KRIT1: variants seen among roughly 807,000 people sequenced by gnomAD.
The protein encoded by KRIT1 is krev interaction trapped protein 1.
A neutral mutation model predicts 95.8 loss-of-function variants in KRIT1; 45 were observed. The ratio of observed to expected loss-of-function variants is 0.47; its 90% CI spans 0.37 to 0.60. The LOEUF (loss-of-function observed/expected upper bound fraction) is 0.60, where lower values mean the gene tolerates loss of function less well. Ranked by LOEUF, KRIT1 falls within the 20% of genes least tolerant of loss-of-function variation. KRIT1 has a pLI of 0.00. For synonymous variants in KRIT1, 282 were observed against 278.8 expected (o/e 1.01, Z -0.11); for missense variants, 788 against 877.5 (o/e 0.90, Z 1.29).
At chr7:92,223,764 A>G in intron 12 of KRIT1, among the ~76,000 whole-genome samples, 1 of 152,214 alleles carries the variant, frequency 6.6e-6, no homozygotes, top group East Asian at 1.9e-4. Context: ...GGTAAAAGTT[A>G]TCAATGAACT....
rs766715669 is a variant in KRIT1 at position 92,214,651 on chromosome 7, CAT to C, written c.1688_1689del (p.Tyr563TrpfsTer4). 6.2e-7 allele frequency: 1 copy of C among 1,612,840 alleles called. No individual in the cohort carries two copies. Among genetic ancestry groups the C allele is most frequent in the Non-Finnish European group, 8.5e-7 (1 of 1,179,042 alleles). ...TLASLLLQIVYGNYESKKHKQ... is the reference protein window; with the variant it reads ...TLASLLLQIVXGNYESKKHKQ... ...TTGTGTTTTTTACTCTCATAATTTC[CAT>C]AGACTATTTGCAAAAGCAGACTTGC... On this transcript the variant is annotated frameshift_variant, in exon 15 of 19. Coordinates refer to ENST00000394505, the MANE Select transcript of KRIT1 (RefSeq NM_194454.3). LOFTEE classifies it high-confidence loss of function.
intron 17 of KRIT1, among the ~76,000 whole-genome samples, chr7:92,203,094 A>T (rs1584714108): frequency 6.6e-6 from 1 of 152,246 alleles, no homozygotes; most frequent in Admixed American, 6.5e-5. Context: ...ATTTCCAACA[A>T]AAGTACTGAG....
At chr7:92,215,863 G>C (rs541812641) in intron 14 of KRIT1, among the ~76,000 whole-genome samples, 1 of 151,674 alleles carries the variant, frequency 6.6e-6, no homozygotes, top group Non-Finnish European at 1.5e-5. Context: ...CAAAGTCACC[G>C]GTTATAAAGT....
chr7:92,242,991 G>C lies in KRIT1; in HGVS notation c.-2-854C>G, dbSNP rs187029406. 4.6e-3 allele frequency among the ~76,000 whole-genome samples: 695 copies of C among 152,112 alleles called. 2 individuals carry two copies. The highest frequency in any genetic ancestry group is 0.016 in the African/African-American group (667 of 41,500). ...GTGCCACCATGCTCGGCTAATTTTT[G>C]TGTCTTTTAGTAGAGATGGAGTTTT... On this transcript the variant is annotated intron_variant, in intron 3 of 18. Coordinates refer to ENST00000394505, the MANE Select transcript of KRIT1 (RefSeq NM_194454.3).
intron 14 of KRIT1, among the ~76,000 whole-genome samples, chr7:92,220,758 G>A (rs565721643): frequency 2.4e-3 from 332 of 136,538 alleles, no homozygotes; most frequent in Admixed American, 4.4e-3. Flanking sequence ...GCAGTGGCAC[G>A]ATCTCGGCTC....
At chr7:92,239,064 T>C (rs1367788700) in intron 5 of KRIT1, among the ~76,000 whole-genome samples, 4 of 152,228 alleles carry the variant, frequency 2.6e-5, no homozygotes, top group African/African-American at 9.6e-5. Flanking sequence ...AAATAGGATA[T>C]TCAGGATACA....
At chr7:92,240,038 G>A (rs575398178) in intron 5 of KRIT1, among the ~76,000 whole-genome samples, 1 of 152,156 alleles carries the variant, frequency 6.6e-6, no homozygotes, top group East Asian at 1.9e-4. Flanking sequence ...TTATAATCCT[G>A]AGTTAAAATG....
In KRIT1 at chr7:92,200,408, G is replaced by T; in HGVS notation, c.*328C>A. ...CTTGCTGTGTCACCCAGGCTAGCGT[G>T]CCGTGGTGCAATCTTGGCTCACTAC... On this transcript the variant is annotated 3_prime_UTR_variant, in exon 19 of 19. Coordinates refer to ENST00000394505, the MANE Select transcript of KRIT1 (RefSeq NM_194454.3). 1 of 295,424 alleles carries T rather than the reference G, an allele frequency of 3.4e-6. No homozygotes were observed. Among genetic ancestry groups the T allele is most frequent in the Non-Finnish European group, 6.5e-6 (1 of 153,890 alleles). The allele number at this position is 295,424 out of a possible 1,614,324, so 18.3% of individuals were successfully genotyped here.
intron 14 of KRIT1, among the ~76,000 whole-genome samples, chr7:92,220,396 T>C (rs371608811): frequency 6.6e-5 from 10 of 152,150 alleles, no homozygotes; most frequent in African/African-American, 2.2e-4. Flanking sequence ...ATGTGACTCC[T>C]AGTATATTTG....
intron 10 of KRIT1, among the ~76,000 whole-genome samples, chr7:92,227,517 G>A (rs1158344590): frequency 1.3e-5 from 2 of 152,106 alleles, no homozygotes; most frequent in Non-Finnish European, 2.9e-5. Flanking sequence ...AAAGTGCTCT[G>A]ATAGAAGAAC....
rs762822110 is a variant in KRIT1, at chr7:92,234,574, A to G, written c.864T>C (p.Asp288=). 2.5e-6 allele frequency: 4 copies of G among 1,613,264 alleles called. No homozygotes were observed. Among genetic ancestry groups the G allele is most frequent in the East Asian group, 4.5e-5 (2 of 44,864 alleles). The change falls in exon 10 of 19, where the codon GAT becomes GAC. Residue 288 remains aspartate, a synonymous_variant. Coordinates refer to ENST00000394505, the MANE Select transcript of KRIT1 (RefSeq NM_194454.3). ...VTEDKERQWV[D]DFPLHRSACE... is the part of the protein sequence containing the mutation. ...AGGCGCTTCGGTGGAGAGGAAAATCATCTACCCACTGTCGTTCCCTAATCA... is the reference window on the plus strand; with the variant it reads ...AGGCGCTTCGGTGGAGAGGAAAATCGTCTACCCACTGTCGTTCCCTAATCA...
intron 4 of KRIT1, 97 bp from the exon 5 acceptor site, chr7:92,241,249 T>A: frequency 1.1e-6 from 1 of 896,970 alleles, no homozygotes; most frequent in East Asian, 2.6e-5. Flanking sequence ...TCTAGCTGCA[T>A]ATTAGAATAA....
chr7:92,237,859 T>C, intron 5 of KRIT1, 100 bp from the exon 6 acceptor site: 2 of 695,010 alleles, frequency 2.9e-6, no homozygotes, highest in Non-Finnish European at 5.2e-6. Context: ...AAGGCAGCAT[T>C]AAGAGGAACT....
In KRIT1 at chr7:92,234,301, C is replaced by A. The variant is rs1212653141; in HGVS notation, c.989+148G>T. On this transcript the variant is annotated intron_variant, in intron 10 of 18. Coordinates refer to ENST00000394505, the MANE Select transcript of KRIT1 (RefSeq NM_194454.3). The stretch of plus-strand genomic sequence containing the variant: ...ACAATTCTGAACATTGGCACATATA[C>A]AATCATCTAAGATCAAAACAGAAAA... The A allele has an allele frequency of 7.2e-5, 49 of 680,368 alleles. No homozygotes were observed. In the East Asian group the frequency reaches 1.3e-3, roughly 19 times the overall value. 42.1% of individuals were successfully genotyped at this position (680,368 alleles called of 1,614,324 possible). A position where few individuals can be genotyped will look rare whatever the true frequency, so the allele number is the denominator to read the frequency against.
intron 10 of KRIT1, among the ~76,000 whole-genome samples, chr7:92,229,298 T>C (rs1317142948): frequency 6.6e-6 from 1 of 152,174 alleles, no homozygotes; most frequent in Non-Finnish European, 1.5e-5. Flanking sequence ...TGGTGTGAGA[T>C]GGTACTTAAA....
chr7:92,231,281 A>G (rs976784815), intron 10 of KRIT1, among the ~76,000 whole-genome samples: 2 of 152,192 alleles, frequency 1.3e-5, no homozygotes, highest in East Asian at 3.8e-4. Context: ...CTGGCTACCA[A>G]TCTTGAATTT....
At chr7:92,223,280 A>C (rs1795525454) in intron 12 of KRIT1, among the ~76,000 whole-genome samples, 1 of 149,252 alleles carries the variant, frequency 6.7e-6, no homozygotes, top group Non-Finnish European at 1.5e-5. Context: ...ATACAAAAAA[A>C]AAAAAAAAAA....
chr7:92,241,022 G>T lies in KRIT1; in HGVS notation c.233C>A (p.Pro78Gln). Reference protein sequence around the residue: ...ILDYVVETTKPISPANQGIRG... With the variant: ...ILDYVVETTKQISPANQGIRG... ...GATACCCTGGTTTGCAGGAGAAATT[G>T]GTTTGGTGGTTTCTACTACGTAATC... The change falls in exon 5 of 19, where the codon CCA (proline) becomes CAA (glutamine). Residue 78 changes from proline to glutamine, a missense_variant. Physicochemically the swap from Pro to Gln is moderately conservative, Grantham distance 76 (BLOSUM62 -1). Coordinates refer to ENST00000394505, the MANE Select transcript of KRIT1 (RefSeq NM_194454.3). 1 of 1,612,514 alleles carries T rather than the reference G, an allele frequency of 6.2e-7. No homozygotes were observed. Among genetic ancestry groups the T allele is most frequent in the East Asian group, 2.2e-5 (1 of 44,850 alleles).
chr7:92,229,692 C>T (rs1002950868), intron 10 of KRIT1, among the ~76,000 whole-genome samples: 1 of 152,150 alleles, frequency 6.6e-6, no homozygotes, highest in South Asian at 2.1e-4. Flanking sequence ...CTCTATATTC[C>T]CACTATGTTT....
Sources: gnomAD v4.1 joint callset for allele counts (sites outside exome capture counted in the v4.1 genomes callset) on GRCh38, gnomAD v4.1.1 for gene constraint, MANE v1.5 for transcripts, NCBI Gene and HGNC (gene_info 2026-07-23, HGNC 2026-07-21) for gene names.